TTC34: variants seen among roughly 807,000 people sequenced by gnomAD.
TTC34 encodes tetratricopeptide repeat domain 34.
In TTC34, 44 loss-of-function variants were observed where a neutral mutation model predicts 40.7. The ratio of observed to expected loss-of-function variants is 1.08; its 90% confidence interval spans 0.85 to 1.39. The LOEUF is 1.39. Among genes scored for constraint, TTC34 ranks in the 40% most tolerant of loss-of-function variants. The pLI is 0.00. For synonymous variants in TTC34, 422 were observed against 398.6 expected (o/e 1.06, Z -0.70); for missense variants, 884 against 838.0 (o/e 1.05, Z -0.68).
rs1158340941 is a variant in TTC34, at chr1:2,752,050, C to T, written c.2226+31559G>A. ...TGACAGCGTGGAGCAGCACCGACAC[C>T]CCCAGGCGAACATCTGAACGCACGG... On this transcript the variant is annotated intron_variant, in intron 6 of 8. Transcript: ENST00000401095. Among the ~76,000 whole-genome samples the T allele has an allele frequency of 5.4e-5, 6 of 111,858 alleles. 2 individuals carry two copies. Among genetic ancestry groups the T allele is most frequent in the African/African-American group, 2.0e-4 (5 of 24,442 alleles). 73.4% of individuals were successfully genotyped at this position (111,858 alleles called of 152,430 possible). A position where few individuals can be genotyped will look rare whatever the true frequency, so the allele number is the denominator to read the frequency against.
chr1:2,800,646 G>A (rs962493683), exon 2 of TTC34: 13 of 398,368 alleles, frequency 3.3e-5, no homozygotes, highest in Non-Finnish European at 5.3e-5. Context: ...GGACTCCAGG[G>A]TGGCCACCAC....
In TTC34 at chr1:2,777,865, C is replaced by A. The variant is rs116633804; in HGVS notation, c.2226+5744G>T. ...CACAGCGGGAGGAGGGGACAGGATC[C>A]TGTGGTACCCCTTGGAGGAGGTTCC... On this transcript the variant is annotated intron_variant, in intron 6 of 8. Transcript: ENST00000401095. Among the ~76,000 whole-genome samples, 971 of 152,304 alleles carry A rather than the reference C, an allele frequency of 6.4e-3. 16 individuals are homozygous for A. Among genetic ancestry groups the A allele is most frequent in the African/African-American group, 0.022 (913 of 41,546 alleles).
chr1:2,654,218 G>A (rs1639257118), intron 6 of TTC34, among the ~76,000 whole-genome samples: 1 of 151,826 alleles, frequency 6.6e-6, no homozygotes, highest in Non-Finnish European at 1.5e-5. Context: ...ACACCCAGGT[G>A]AGCATCTGAC....
intron 6 of TTC34, chr1:2,775,449 A>T (rs1296514043): frequency 6.7e-6 from 1 of 148,646 alleles, no homozygotes; most frequent in African/African-American, 2.6e-5. Flanking sequence ...TGAGCATCTG[A>T]CAGCCTGGAG....
chr1:2,764,040 G>A (rs1452793553), intron 6 of TTC34, among the ~76,000 whole-genome samples: 4 of 107,072 alleles, frequency 3.7e-5, no homozygotes, highest in South Asian at 3.4e-4. Flanking sequence ...GCATCTGACC[G>A]CATGGAATGG....
At chr1:2,759,579 G>A (rs1254127022) in intron 6 of TTC34, among the ~76,000 whole-genome samples, 295 of 151,840 alleles carry the variant, frequency 1.9e-3, no homozygotes, top group African/African-American at 6.9e-3. Flanking sequence ...GCATCGGACA[G>A]CCTGGAACAG....
intron 6 of TTC34, among the ~76,000 whole-genome samples, chr1:2,682,682 TCCGACAGCCTG>T (rs1640132170): frequency 5.2e-5 from 7 of 134,714 alleles, no homozygotes; most frequent in Admixed American, 1.5e-4. Flanking sequence ...CAGGCGAGCA[TCCGACAGCCTG>T]GAGCAGCACC....
intron 2 of TTC34, among the ~76,000 whole-genome samples, chr1:2,795,641 G>T (rs1316783025): frequency 2.0e-5 from 3 of 152,184 alleles, no homozygotes; most frequent in Admixed American, 6.5e-5. Flanking sequence ...AACAGACCCT[G>T]CATCTTGCTG....
intron 6 of TTC34, among the ~76,000 whole-genome samples, chr1:2,752,564 A>G (rs1641358811): frequency 9.8e-6 from 1 of 102,378 alleles, no homozygotes; most frequent in Admixed American, 1.1e-4. Flanking sequence ...CTGGAACAGC[A>G]CCTTGCACCC....
intron 6 of TTC34, among the ~76,000 whole-genome samples, chr1:2,777,596 G>T (rs533103651): frequency 6.6e-6 from 1 of 152,172 alleles, no homozygotes; most frequent in Non-Finnish European, 1.5e-5. Flanking sequence ...TGGCCAGGAG[G>T]AGGGGCCTGC....
intron 6 of TTC34, among the ~76,000 whole-genome samples, chr1:2,752,884 G>A (rs1305735738): frequency 2.0e-4 from 25 of 127,726 alleles, no homozygotes; most frequent in East Asian, 7.8e-4. Context: ...GGCCTGGAAC[G>A]GCACCCACAC....
chr1:2,653,214 T>G (rs1356500437), intron 6 of TTC34, among the ~76,000 whole-genome samples: 2 of 128,594 alleles, frequency 1.6e-5, no homozygotes, highest in Admixed American at 1.6e-4. Context: ...CACCCCCAGG[T>G]GAACATCTGA....
chr1:2,767,848 C>A (rs1162341724), intron 6 of TTC34, among the ~76,000 whole-genome samples: 1 of 150,950 alleles, frequency 6.6e-6, no homozygotes, highest in African/African-American at 2.4e-5. Flanking sequence ...CACCCACACC[C>A]CCAGGTGTGC....
chr1:2,685,133 C>G lies in TTC34; in HGVS notation c.2227-39570G>C, dbSNP rs926716465. 5.5e-5 allele frequency among the ~76,000 whole-genome samples: 8 copies of G among 144,252 alleles called. 1 individual carries two copies. The highest frequency in any genetic ancestry group is 2.2e-4 in the African/African-American group (8 of 36,310). 94.6% of individuals were successfully genotyped at this position (144,252 alleles called of 152,430 possible). A position where few individuals can be genotyped will look rare whatever the true frequency, so the allele number is the denominator to read the frequency against. On this transcript the variant is annotated intron_variant, in intron 6 of 8. Transcript: ENST00000401095. The stretch of plus-strand genomic sequence containing the variant: ...AGCACCCACACCCCCAGGCGAGCAT[C>G]GGACGGCCTGGAACAGCACCCACAA...
intron 6 of TTC34, among the ~76,000 whole-genome samples, chr1:2,687,238 C>A (rs1465169639): frequency 6.8e-6 from 1 of 147,684 alleles, no homozygotes; most frequent in African/African-American, 2.7e-5. Context: ...TGGAGCAGCA[C>A]CCACACCCCC....
intron 2 of TTC34, among the ~76,000 whole-genome samples, chr1:2,792,467 C>T (rs747222614): frequency 6.6e-6 from 1 of 152,098 alleles, no homozygotes; most frequent in Non-Finnish European, 1.5e-5. Flanking sequence ...TCCCACACAC[C>T]AGGCATGATG....
At chr1:2,768,692 G>A (rs1641884886) in intron 6 of TTC34, among the ~76,000 whole-genome samples, 1 of 148,082 alleles carries the variant, frequency 6.8e-6, no homozygotes, top group South Asian at 2.1e-4. Flanking sequence ...CATGGAACAA[G>A]ACCACTGCCC....
intron 2 of TTC34, among the ~76,000 whole-genome samples, chr1:2,793,811 C>T (rs927687746): frequency 3.9e-5 from 6 of 152,068 alleles, no homozygotes; most frequent in Non-Finnish European, 5.9e-5. Context: ...AATAAACTTC[C>T]GTATTGATTA....
intron 6 of TTC34, among the ~76,000 whole-genome samples, chr1:2,694,937 G>C (rs980779032): frequency 7.1e-6 from 1 of 141,362 alleles, no homozygotes; most frequent in Non-Finnish European, 1.6e-5. Context: ...TGACATCCTT[G>C]AGCAGCACCC....
Sources: allele counts gnomAD v4.1 joint callset (sites outside exome capture counted in the v4.1 genomes callset), GRCh38; gene constraint gnomAD v4.1.1; transcripts MANE v1.5; gene names NCBI Gene and HGNC (gene_info 2026-07-23, HGNC 2026-07-21).